MYH10: variants seen among roughly 807,000 people sequenced by gnomAD.
MYH10 encodes myosin heavy chain 10.
A neutral mutation model predicts 257.8 loss-of-function variants in MYH10; 55 were observed. The observed-to-expected ratio is 0.21, with a 90% confidence interval of 0.17 to 0.27. The LOEUF (loss-of-function observed/expected upper bound fraction) is 0.27, where lower values mean the gene tolerates loss of function less well. Among genes scored for constraint, MYH10 ranks in the 10% least tolerant of loss-of-function variants. MYH10 has a pLI of 1.00. For missense variants in MYH10, 1,631 were observed against 2,500.6 expected (o/e 0.65, Z 7.42); for synonymous variants, 854 against 921.7 (o/e 0.93, Z 1.33).
intron 21 of MYH10, among the ~76,000 whole-genome samples, chr17:8,515,313 T>C (rs2081429446): frequency 2.6e-5 from 4 of 151,756 alleles, no homozygotes. Context: ...GTATCAGGAG[T>C]GGGAGTGTCT....
At chr17:8,518,244 C>T (rs75012332) in intron 21 of MYH10, among the ~76,000 whole-genome samples, 2,453 of 152,022 alleles carry the variant, frequency 0.016, 34 homozygotes, top group Non-Finnish European at 0.023. Flanking sequence ...GAGATCCTCC[C>T]GCCTCAGCTC....
chr17:8,604,473 G>A (rs971295818), intron 3 of MYH10, among the ~76,000 whole-genome samples: 1 of 152,078 alleles, frequency 6.6e-6, no homozygotes, highest in African/African-American at 2.4e-5. Context: ...TTTCCCCAGT[G>A]CAGCATCTAC....
rs978313671 is a variant in MYH10, at chr17:8,506,907, G to A, written c.3215-418C>T. Among the ~76,000 whole-genome samples the A allele has an allele frequency of 1.3e-5, 2 of 152,222 alleles. No individual in the cohort carries two copies. The highest frequency in any genetic ancestry group is 4.8e-5 in the African/African-American group (2 of 41,462). On this transcript the variant is annotated intron_variant, in intron 26 of 42. Coordinates refer to ENST00000360416, the MANE Select transcript of MYH10 (RefSeq NM_001256012.3). This position sits in a 1 kb window ranked among gnomAD's most constrained non-coding sequence, Gnocchi z 5.0. ...CATGGGAACCCCTGTTCTGAACCAA[G>A]AAAACTGCCATCCTCGAGTACTGGG... is the stretch of plus-strand genomic sequence containing the variant.
At chr17:8,603,507 A>T (rs1370384786) in intron 3 of MYH10, among the ~76,000 whole-genome samples, 1 of 152,212 alleles carries the variant, frequency 6.6e-6, no homozygotes, top group Non-Finnish European at 1.5e-5. Context: ...GAGGGTCAAC[A>T]ATCTCAATTG....
Position 8,580,114 on chromosome 17 carries a change from G to A in MYH10, c.531-2776C>T, listed in dbSNP as rs943957638. The stretch of plus-strand genomic sequence containing the variant: ...TGCACTCAAGCCTGGGCGACAGAGC[G>A]AGACTTCACCTGAAAAAAAAAAAGT... On this transcript the variant is annotated intron_variant, in intron 4 of 42. Transcript: ENST00000360416. Among the ~76,000 whole-genome samples, 3 of 151,760 alleles carry A rather than the reference G, an allele frequency of 2.0e-5. No homozygotes were observed. The South Asian group carries it at 6.2e-4, about 32-fold the overall frequency.
intron 17 of MYH10, among the ~76,000 whole-genome samples, chr17:8,524,947 C>T (rs1467642162): frequency 6.6e-6 from 1 of 152,176 alleles, no homozygotes; most frequent in Non-Finnish European, 1.5e-5. Context: ...CTCTAAGCCT[C>T]AATTTCCTCC....
chr17:8,489,019 T>C (rs922563379), intron 35 of MYH10, among the ~76,000 whole-genome samples: 4 of 152,132 alleles, frequency 2.6e-5, no homozygotes, highest in Non-Finnish European at 5.9e-5. Flanking sequence ...AGTGATCACA[T>C]GAGACTTGGG....
At chr17:8,557,452 G>A (rs893636022) in intron 7 of MYH10, among the ~76,000 whole-genome samples, 3 of 152,188 alleles carry the variant, frequency 2.0e-5, no homozygotes, top group Admixed American at 1.3e-4. Flanking sequence ...TATCTCAGGT[G>A]TGTGTCAAGG....
At chr17:8,625,910 T>C (rs528867639) in intron 1 of MYH10, among the ~76,000 whole-genome samples, 2 of 152,246 alleles carry the variant, frequency 1.3e-5, no homozygotes, top group African/African-American at 4.8e-5. Context: ...CCAGCAGGTA[T>C]GTTAGAGTAG....
chr17:8,595,881 T>C (rs1436067574), intron 3 of MYH10, among the ~76,000 whole-genome samples: 2 of 152,210 alleles, frequency 1.3e-5, no homozygotes, highest in African/African-American at 4.8e-5. Context: ...CACTATTAAA[T>C]GTTCCTTTTC....
chr17:8,550,461 C>T (rs1034861961), intron 9 of MYH10, among the ~76,000 whole-genome samples: 3 of 151,598 alleles, frequency 2.0e-5, no homozygotes, highest in African/African-American at 4.9e-5. Context: ...GCAGCCGCCC[C>T]GTCTGAGAAG....
At chr17:8,497,499 G>C (rs913349524) in intron 30 of MYH10, among the ~76,000 whole-genome samples, 1 of 151,990 alleles carries the variant, frequency 6.6e-6, no homozygotes, top group African/African-American at 2.4e-5. Flanking sequence ...CAGCACTTTG[G>C]GAGGCTGAGG....
intron 4 of MYH10, among the ~76,000 whole-genome samples, chr17:8,587,947 C>T (rs780897623): frequency 1.2e-4 from 19 of 152,190 alleles, no homozygotes; most frequent in Non-Finnish European, 2.6e-4. Context: ...CAGCACCCTC[C>T]ACTCTCTATT....
At chr17:8,609,924 A>G (rs1338487172) in intron 2 of MYH10, among the ~76,000 whole-genome samples, 1 of 152,038 alleles carries the variant, frequency 6.6e-6, no homozygotes, top group Non-Finnish European at 1.5e-5. Flanking sequence ...ACTTGAGAAA[A>G]CTGTGTGTGT....
intron 17 of MYH10, among the ~76,000 whole-genome samples, chr17:8,524,652 C>A (rs1379421755): frequency 6.6e-6 from 1 of 152,090 alleles, no homozygotes; most frequent in Non-Finnish European, 1.5e-5. Context: ...CTCCCCTGCC[C>A]TTGCTGGGCT....
chr17:8,527,802 C>T (rs921910638), intron 17 of MYH10, among the ~76,000 whole-genome samples: 25 of 152,262 alleles, frequency 1.6e-4, no homozygotes, highest in Middle Eastern at 3.4e-3. Flanking sequence ...ACTGCAGTAC[C>T]CAAGCGCTGC....
chr17:8,499,498 A>G (rs1346241373), intron 29 of MYH10, 22 bp from the exon 30 acceptor site: 2 of 1,610,230 alleles, frequency 1.2e-6, no homozygotes, highest in Admixed American at 1.7e-5. Context: ...AAGGGAAAAC[A>G]TAATTCACTA....
chr17:8,626,844 T>C (rs1468007146), intron 1 of MYH10, among the ~76,000 whole-genome samples: 2 of 152,130 alleles, frequency 1.3e-5, no homozygotes, highest in East Asian at 1.9e-4. Context: ...TTGCTGTCAG[T>C]AGACACGCAC....
intron 21 of MYH10, among the ~76,000 whole-genome samples, chr17:8,516,097 C>T (rs1274280880): frequency 6.6e-6 from 1 of 152,170 alleles, no homozygotes; most frequent in South Asian, 2.1e-4. Context: ...CAGCTGGTTT[C>T]CTTCTCCGCA....
Sources: gnomAD v4.1 joint callset for allele counts (sites outside exome capture counted in the v4.1 genomes callset) on GRCh38, gnomAD v4.1.1 for gene constraint, Gnocchi (gnomAD v3.1) non-coding constraint, MANE v1.5 for transcripts, NCBI Gene and HGNC (gene_info 2026-07-23, HGNC 2026-07-21) for gene names.